The following SRGAP3 variants were observed in gnomAD, a reference collection of about 807,000 sequenced individuals.
SRGAP3 encodes the protein SLIT-ROBO Rho GTPase-activating protein 3.
A neutral mutation model predicts 121.1 loss-of-function variants in SRGAP3; 39 were observed. That is an observed-to-expected ratio of 0.32 (90% CI 0.25 to 0.42). The LOEUF (loss-of-function observed/expected upper bound fraction) is 0.42. Among genes scored for constraint, SRGAP3 ranks in the 10% least tolerant of loss-of-function variants. The pLI, the probability that SRGAP3 is intolerant of heterozygous loss-of-function variation, is 1.00. For missense variants in SRGAP3, 1,213 were observed against 1,470.6 expected (o/e 0.82, Z 2.86); for synonymous variants, 601 against 570.0 (o/e 1.05, Z -0.77).
At chr3:9,259,848 A>C (rs2600154) in intron 3 of SRGAP3, among the ~76,000 whole-genome samples, 2 of 146,494 alleles carry the variant, frequency 1.4e-5, no homozygotes, top group East Asian at 3.9e-4. Flanking sequence ...GCTGGGGGCC[A>C]GGGGTGGGGC....
intron 14 of SRGAP3, among the ~76,000 whole-genome samples, chr3:9,021,613 T>C (rs1166528022): frequency 1.3e-5 from 2 of 152,046 alleles, no homozygotes; most frequent in African/African-American, 4.8e-5. Context: ...ATGTTATCAC[T>C]TTTCAGGAGC....
At chr3:9,011,838 C>T (rs1480043067) in intron 17 of SRGAP3, among the ~76,000 whole-genome samples, 1 of 152,108 alleles carries the variant, frequency 6.6e-6, no homozygotes. Context: ...CCAAAATTAC[C>T]ATGTAATTAA....
chr3:8,981,932 A>G lies in SRGAP3; in HGVS notation c.*3587T>C, dbSNP rs2124876553. The G allele has an allele frequency of 8.8e-6, 2 of 227,580 alleles. No individual in the cohort carries two copies. Among genetic ancestry groups the G allele is most frequent in the East Asian group, 1.3e-4 (2 of 15,816 alleles). 14.1% of individuals were successfully genotyped at this position (227,580 alleles called of 1,614,324 possible). On this transcript the variant is annotated 3_prime_UTR_variant, in exon 22 of 22. Transcript: ENST00000383836. ...GATTGTGCACTCTGTCCGGGGTTCA[A>G]AAGGCGCTTCGAGGTGAGAAATCGT...
At chr3:9,043,094 T>C (rs1945098886) in intron 10 of SRGAP3, among the ~76,000 whole-genome samples, 1 of 152,142 alleles carries the variant, frequency 6.6e-6, no homozygotes, top group South Asian at 2.1e-4. Context: ...ACACACACCA[T>C]TGTTCTCTAT....
Position 9,354,197 on chromosome 3 carries a change from T to C in SRGAP3, n.214+8643A>G, listed in dbSNP as rs182138143. On this transcript the variant is annotated intron_variant and non_coding_transcript_variant, in intron 1 of 3. Coordinates refer to the SRGAP3 transcript ENST00000490889. ...GTACCATAACAAAGTCCGCAGATAA[T>C]AGCAAAAATTGAAAAAGCAAGAAAT... 5.6e-3 allele frequency among the ~76,000 whole-genome samples: 848 copies of C among 152,164 alleles called. 3 individuals are homozygous for C. Among genetic ancestry groups the C allele is most frequent in the Middle Eastern group, 0.034 (10 of 294 alleles).
At chr3:9,114,233 C>G (rs1056859070) in intron 2 of SRGAP3, among the ~76,000 whole-genome samples, 1 of 152,182 alleles carries the variant, frequency 6.6e-6, no homozygotes, top group African/African-American at 2.4e-5. Flanking sequence ...GTGACGACTA[C>G]CTCATAGTGG....
intron 3 of SRGAP3, among the ~76,000 whole-genome samples, chr3:9,282,027 C>T (rs1954689632): frequency 6.6e-6 from 1 of 152,186 alleles, no homozygotes; most frequent in East Asian, 1.9e-4. Context: ...GAAGGGAATT[C>T]AACTTTACCT....
intron 3 of SRGAP3, among the ~76,000 whole-genome samples, chr3:9,099,311 A>G (rs981655988): frequency 2.6e-5 from 4 of 152,170 alleles, no homozygotes; most frequent in African/African-American, 4.8e-5. Flanking sequence ...CTTCCTCCCA[A>G]CACCACAGCT....
At chr3:9,001,501 G>A (rs554648735) in intron 18 of SRGAP3, among the ~76,000 whole-genome samples, 5 of 151,842 alleles carry the variant, frequency 3.3e-5, no homozygotes, top group South Asian at 2.1e-4. Flanking sequence ...AAAAGAAATC[G>A]GTAAAGAAGG....
At chr3:9,110,684 G>A (rs1044980975) in intron 2 of SRGAP3, among the ~76,000 whole-genome samples, 13 of 152,380 alleles carry the variant, frequency 8.5e-5, no homozygotes, top group Admixed American at 1.3e-4. Flanking sequence ...GAAACTGCTG[G>A]GTCTGCACCC....
chr3:9,052,322 A>T (rs1440232261), intron 9 of SRGAP3, among the ~76,000 whole-genome samples: 1 of 152,228 alleles, frequency 6.6e-6, no homozygotes, highest in South Asian at 2.1e-4. Flanking sequence ...AAACATGGTA[A>T]TACCAAAAGC....
intron 1 of SRGAP3, among the ~76,000 whole-genome samples, chr3:9,129,378 T>G (rs982359563): frequency 6.7e-6 from 1 of 150,004 alleles, no homozygotes; most frequent in Non-Finnish European, 1.5e-5. Flanking sequence ...TAGTGCAAAT[T>G]AAAGAATGAG....
intron 3 of SRGAP3, among the ~76,000 whole-genome samples, chr3:9,266,347 T>A (rs1311363243): frequency 6.6e-6 from 1 of 151,952 alleles, no homozygotes; most frequent in East Asian, 1.9e-4. Context: ...GTTCTGCACA[T>A]GTATCCCAGA....
chr3:9,261,210 G>A lies in SRGAP3; in HGVS notation n.442+64800C>T, dbSNP rs142345302. 3.6e-3 allele frequency among the ~76,000 whole-genome samples: 548 copies of A among 152,262 alleles called. 4 individuals are homozygous for A. The highest frequency in any genetic ancestry group is 0.012 in the African/African-American group (512 of 41,576). ...CATCCAAAGGTCACCAACATCAAAG[G>A]CCAAAGGTAGATAAAGCCATGAAGA... On this transcript the variant is annotated intron_variant and non_coding_transcript_variant, in intron 3 of 3. Coordinates refer to the SRGAP3 transcript ENST00000490889.
At chr3:9,086,846 A>G (rs1259449072) in intron 3 of SRGAP3, among the ~76,000 whole-genome samples, 1 of 146,250 alleles carries the variant, frequency 6.8e-6, no homozygotes, top group East Asian at 2.0e-4. Flanking sequence ...ATATGTATAC[A>G]TACTATACAC....
chr3:9,255,750 G>C (rs182040852), intron 3 of SRGAP3, among the ~76,000 whole-genome samples: 1 of 152,174 alleles, frequency 6.6e-6, no homozygotes, highest in Non-Finnish European at 1.5e-5. Flanking sequence ...CAAAGTCAAC[G>C]TGTGTCTGCT....
intron 1 of SRGAP3, among the ~76,000 whole-genome samples, chr3:9,139,698 C>T (rs901857770): frequency 5.9e-5 from 9 of 152,176 alleles, no homozygotes; most frequent in East Asian, 3.9e-4. Flanking sequence ...CAGCAGCTAT[C>T]GGAAACTAGT....
chr3:9,008,975 C>T (rs341788), intron 18 of SRGAP3, among the ~76,000 whole-genome samples: 123,600 of 152,158 alleles, frequency 0.81, 50,964 homozygotes, highest in African/African-American at 0.92. Context: ...AGATCCTACA[C>T]GAGAATGAAA....
rs188506930 is a variant in SRGAP3, at chr3:9,274,538, G to A, written n.442+51472C>T. On this transcript the variant is annotated intron_variant and non_coding_transcript_variant, in intron 3 of 3. Coordinates refer to the SRGAP3 transcript ENST00000490889. ...TGACCCCTGAAGCCCCAGAAGGAGC[G>A]TTACAGTGCCCTTTTAGCTTTGTCG... Among the ~76,000 whole-genome samples, 332 of 152,324 alleles carry A rather than the reference G, an allele frequency of 2.2e-3. 1 individual carries two copies. The highest frequency in any genetic ancestry group is 3.1e-3 in the Non-Finnish European group (209 of 68,032).
Sources: gnomAD v4.1 joint callset for allele counts (sites outside exome capture counted in the v4.1 genomes callset) on GRCh38, gnomAD v4.1.1 for gene constraint, MANE v1.5 for transcripts, NCBI Gene and HGNC (gene_info 2026-07-23, HGNC 2026-07-21) for gene names.